Variants in RPS6KA5 observed in about 807,000 individuals in gnomAD.
RPS6KA5 encodes ribosomal protein S6 kinase alpha-5.
RPS6KA5 carries 27 observed loss-of-function variants against 85.5 expected under a neutral mutation model. The ratio of observed to expected loss-of-function variants is 0.32; its 90% CI spans 0.23 to 0.44. The LOEUF (loss-of-function observed/expected upper bound fraction) is 0.44. Ranked by LOEUF, RPS6KA5 falls within the 20% of genes least tolerant of loss-of-function variation. The pLI is 1.00. For synonymous variants in RPS6KA5, 334 were observed against 348.2 expected, an observed-to-expected ratio of 0.96 and a Z score of 0.46; for missense variants, 811 against 980.9, an observed-to-expected ratio of 0.83 and a Z score of 2.31.
chr14:90,908,998 T>C (rs1262836206), intron 7 of RPS6KA5, among the ~76,000 whole-genome samples: 6 of 152,212 alleles, frequency 3.9e-5, no homozygotes, highest in Admixed American at 3.9e-4. Context: ...GATGAAGATG[T>C]GTTTGATGCT....
chr14:90,980,762 G>A (rs1337678513), intron 2 of RPS6KA5, among the ~76,000 whole-genome samples: 1 of 152,208 alleles, frequency 6.6e-6, no homozygotes, highest in Non-Finnish European at 1.5e-5. Flanking sequence ...AGATTAAATA[G>A]AAGTCACAAT....
intron 1 of RPS6KA5, among the ~76,000 whole-genome samples, chr14:91,036,612 G>A (rs1041905165): frequency 6.6e-6 from 1 of 152,182 alleles, no homozygotes; most frequent in Non-Finnish European, 1.5e-5. Flanking sequence ...AAAGGACCAA[G>A]GAACATGAAA....
intron 2 of RPS6KA5, among the ~76,000 whole-genome samples, chr14:90,997,965 G>A (rs917267944): frequency 1.5e-5 from 2 of 133,262 alleles, no homozygotes; most frequent in African/African-American, 2.9e-5. Context: ...GTGAGATTGC[G>A]CCACTGCACT....
intron 9 of RPS6KA5, 25 bp downstream of exon 9, chr14:90,902,783 G>T (rs1476979398): frequency 6.2e-7 from 1 of 1,605,122 alleles, no homozygotes; most frequent in Non-Finnish European, 8.5e-7. Context: ...TGGCCAATGT[G>T]CATGTGCACA....
intron 5 of RPS6KA5, among the ~76,000 whole-genome samples, chr14:90,931,796 A>G (rs2036996500): frequency 6.6e-6 from 1 of 152,236 alleles, no homozygotes; most frequent in African/African-American, 2.4e-5. Flanking sequence ...GTACCTCAGT[A>G]GGAGAAAAGA....
chr14:90,848,951 G>A lies in RPS6KA5; in HGVS notation c.*23123C>T, dbSNP rs1300400151. 6.6e-6 allele frequency: 1 copy of A among 152,160 alleles called. No homozygotes were observed. The highest frequency in any genetic ancestry group is 1.5e-5 in the Non-Finnish European group (1 of 68,046). 9.4% of individuals were successfully genotyped at this position (152,160 alleles called of 1,614,324 possible). On this transcript the variant is annotated 3_prime_UTR_variant, in exon 17 of 17. Transcript: ENST00000614987. ...ATACGCAGGGAAAGAACCTCATTAA[G>A]CCAGGCAGAGGATGGCAAAGATCAA...
Position 90,862,192 on chromosome 14 carries a change from T to C in RPS6KA5, c.*9882A>G, listed in dbSNP as rs963989239. ...AAACCAATAATAATTACATTAACTG[T>C]AAGTAGACAAGATATATTCCAATTA... On this transcript the variant is annotated 3_prime_UTR_variant, in exon 17 of 17. Coordinates refer to ENST00000614987, the MANE Select transcript of RPS6KA5 (RefSeq NM_004755.4). The C allele has an allele frequency of 1.3e-5, 2 of 152,196 alleles. No homozygotes were observed. Among genetic ancestry groups the C allele is most frequent in the Admixed American group, 1.3e-4 (2 of 15,272 alleles). The allele number at this position is 152,196 out of a possible 1,614,324, so 9.4% of individuals were successfully genotyped here.
intron 3 of RPS6KA5, among the ~76,000 whole-genome samples, chr14:90,951,519 T>A (rs762603222): frequency 7.9e-5 from 12 of 152,010 alleles, no homozygotes; most frequent in Non-Finnish European, 1.6e-4. Flanking sequence ...GAAAACCATG[T>A]CCTAAAAATT....
intron 1 of RPS6KA5, among the ~76,000 whole-genome samples, chr14:91,037,434 T>C (rs2042448635): frequency 6.6e-6 from 1 of 152,172 alleles, no homozygotes. Context: ...CAAAATCCTA[T>C]CATTGCTATG....
intron 5 of RPS6KA5, among the ~76,000 whole-genome samples, chr14:90,932,060 C>T (rs113437827): frequency 1.9e-4 from 29 of 152,320 alleles, no homozygotes; most frequent in African/African-American, 6.7e-4. Flanking sequence ...AGTGCAGCTA[C>T]ACATTGTTGG....
At position 91,037,344 on chromosome 14, in the gene RPS6KA5, C is replaced by T. The variant is rs368803903; in HGVS notation, c.103+22988G>A. Among the ~76,000 whole-genome samples, 11 of 152,320 alleles carry T rather than the reference C, an allele frequency of 7.2e-5. 1 individual carries two copies. The South Asian group carries it at 2.3e-3, about 32-fold the overall frequency. The stretch of plus-strand genomic sequence containing the variant: ...CCCCAAATCTCTGTGGATAAAGACA[C>T]CCTGAATGCCACTGTGGCCCATTAT... On this transcript the variant is annotated intron_variant, in intron 1 of 16. Transcript: ENST00000614987.
intron 4 of RPS6KA5, 41 bp from the exon 5 acceptor site, chr14:90,943,226 A>G: frequency 8.2e-7 from 1 of 1,217,438 alleles, no homozygotes; most frequent in Admixed American, 1.9e-5. Flanking sequence ...ATAATTTACA[A>G]AAAAATGAAT....
intron 2 of RPS6KA5, among the ~76,000 whole-genome samples, chr14:90,993,408 C>G (rs1566838173): frequency 6.6e-6 from 1 of 152,128 alleles, no homozygotes; most frequent in African/African-American, 2.4e-5. Context: ...CCACTGCACT[C>G]CAGCCTGGGT....
intron 3 of RPS6KA5, among the ~76,000 whole-genome samples, chr14:90,951,469 C>T (rs769605721): frequency 9.2e-5 from 14 of 151,940 alleles, no homozygotes; most frequent in Non-Finnish European, 1.9e-4. Context: ...AGTGAGACTC[C>T]ATCTCAACAA....
At chr14:90,977,939 C>T (rs140006027) in intron 3 of RPS6KA5, among the ~76,000 whole-genome samples, 4,136 of 152,190 alleles carry the variant, frequency 0.027, 110 homozygotes, top group Admixed American at 0.075. Context: ...CCTGTAGTCC[C>T]AGCTACTCAG....
chr14:90,904,773 C>T (rs946371141), intron 8 of RPS6KA5, among the ~76,000 whole-genome samples: 5 of 152,146 alleles, frequency 3.3e-5, no homozygotes, highest in African/African-American at 1.2e-4. Flanking sequence ...CCAAAAGTGT[C>T]CCTATCATTT....
intron 8 of RPS6KA5, 96 bp downstream of exon 8, chr14:90,906,053 C>G (rs539857644): frequency 1.7e-6 from 2 of 1,209,256 alleles, no homozygotes; most frequent in Non-Finnish European, 2.3e-6. Context: ...GGAAAATGAT[C>G]CCAAAGGGGA....
Position 90,941,438 on chromosome 14 carries a change from G to A in RPS6KA5, c.618+1640C>T, listed in dbSNP as rs80221468. On this transcript the variant is annotated intron_variant, in intron 5 of 16. Coordinates refer to ENST00000614987, the MANE Select transcript of RPS6KA5 (RefSeq NM_004755.4). ...CTCAGTGAAGTGCTAGAAAGCCGCC[G>A]AGGGAGTTTGCACAGTTCTGTGTGT... 4.7e-3 allele frequency among the ~76,000 whole-genome samples: 723 copies of A among 152,270 alleles called. 6 individuals are homozygous for A. The highest frequency in any genetic ancestry group is 0.016 in the African/African-American group (681 of 41,532).
chr14:91,026,155 G>A (rs2041983301), intron 1 of RPS6KA5, among the ~76,000 whole-genome samples: 1 of 152,162 alleles, frequency 6.6e-6, no homozygotes, highest in Non-Finnish European at 1.5e-5. Flanking sequence ...CTGCATCCAT[G>A]TTGCTGCAAA....
Sources: gnomAD v4.1 joint callset for allele counts (sites outside exome capture counted in the v4.1 genomes callset) on GRCh38, gnomAD v4.1.1 for gene constraint, MANE v1.5 for transcripts, NCBI Gene and HGNC (gene_info 2026-07-23, HGNC 2026-07-21) for gene names.